Variants in PER1 observed in about 807,000 individuals in gnomAD.
The protein encoded by PER1 is period circadian regulator 1, also known as period circadian protein homolog 1.
PER1 carries 87 observed loss-of-function variants against 125.9 expected under a neutral mutation model. The observed-to-expected ratio is 0.69, with a 90% CI of 0.58 to 0.83. The LOEUF is 0.83. PER1 is among the 40% of genes least tolerant of loss of function. PER1 has a pLI of 0.00. For synonymous variants in PER1, 801 were observed against 714.7 expected (o/e 1.12, Z -1.93); for missense variants, 1,775 against 1,722.8 (o/e 1.03, Z -0.54).
rs1982589704 is a variant in PER1, at chr17:8,148,271, A to G, written c.1049-12T>C. On this transcript the variant is annotated splice_polypyrimidine_tract_variant and intron_variant, in intron 8 of 22. Coordinates refer to ENST00000317276, the MANE Select transcript of PER1 (RefSeq NM_002616.3). Reference sequence around the variant, plus strand: ...GGGTATCCGGGGAGCTGAGGCACAGAGAGTGTGGTCACTGGGTTTCGTCCA... The same window carrying G: ...GGGTATCCGGGGAGCTGAGGCACAGGGAGTGTGGTCACTGGGTTTCGTCCA... 3.1e-6 allele frequency: 5 copies of G among 1,610,724 alleles called. No homozygotes were observed. Among genetic ancestry groups the G allele is most frequent in the Non-Finnish European group, 4.2e-6 (5 of 1,177,222 alleles).
chr17:8,141,474 C>T, intron 22 of PER1, 134 bp from the exon 23 acceptor site: 1 of 1,068,478 alleles, frequency 9.4e-7, no homozygotes, highest in East Asian at 2.6e-5. Flanking sequence ...ACAGATGCAC[C>T]TGCGGTCCAA....
Position 8,146,896 on chromosome 17 carries a change from C to G in PER1, c.1735+1G>C. 6 of 1,613,532 alleles carry G rather than the reference C, an allele frequency of 3.7e-6. No homozygotes were observed. The highest frequency in any genetic ancestry group is 1.3e-5 in the African/African-American group (1 of 75,034). ...TCACCCACACATCATCATCAACTCA[C>G]CAGGGAGGCGGGGCCGGGACTGAGG... On this transcript the variant is annotated splice_donor_variant, in intron 14 of 22. Coordinates refer to ENST00000317276, the MANE Select transcript of PER1 (RefSeq NM_002616.3). LOFTEE classifies it high-confidence loss of function.
chr17:8,150,915 C>T, intron 1 of PER1, 70 bp from the exon 2 acceptor site: 1 of 527,708 alleles, frequency 1.9e-6, no homozygotes, highest in Admixed American at 3.5e-5. Flanking sequence ...GCTGGCTTCA[C>T]TCAGACCTTC....
chr17:8,142,334 A>G lies in PER1; in HGVS notation c.3384T>C (p.Asp1128=), dbSNP rs575410007. Residue 1128 remains aspartate (D), a synonymous_variant, in exon 21 of 23, where the codon GAT becomes GAC. Coordinates refer to ENST00000317276, the MANE Select transcript of PER1 (RefSeq NM_002616.3). ...CATTGGCCATGAGCAGCCAAATGGG[A>G]TCCTGGAGCACGTACTTAATCACCT... is the stretch of plus-strand genomic sequence containing the variant. The part of the protein sequence containing the change: ...GDQVIKYVLQ[D]PIWLLMANAD... The G allele has an allele frequency of 6.2e-7, 1 of 1,613,684 alleles. No homozygotes were observed. The highest frequency in any genetic ancestry group is 1.3e-5 in the African/African-American group (1 of 75,038).
At chr17:8,145,752 T>G (rs1982390035) in intron 17 of PER1, among the ~76,000 whole-genome samples, 1 of 152,086 alleles carries the variant, frequency 6.6e-6, no homozygotes, top group African/African-American at 2.4e-5. Context: ...CAACTGACAG[T>G]AACAATACGA....
chr17:8,142,352 A>C lies in PER1; in HGVS notation c.3366T>G (p.Ile1122Met). The stretch of plus-strand genomic sequence containing the variant: ...AAATGGGATCCTGGAGCACGTACTT[A>C]ATCACCTGGTCCCCAGGCTCAGCCC... The part of the protein sequence containing the change: ...RGGAEPGDQV[I>M]KYVLQDPIWL... The change falls in exon 21 of 23, where the codon ATT (isoleucine) becomes ATG (methionine). Residue 1122 changes from isoleucine to methionine, a missense_variant. Physicochemically the swap from Ile to Met is conservative, Grantham distance 10. Coordinates refer to ENST00000317276, the MANE Select transcript of PER1 (RefSeq NM_002616.3). The C allele has an allele frequency of 1.2e-6, 2 of 1,613,920 alleles. No individual in the cohort carries two copies. The highest frequency in any genetic ancestry group is 1.7e-6 in the Non-Finnish European group (2 of 1,179,950).
intron 7 of PER1, 160 bp downstream of exon 7, chr17:8,149,099 G>A: frequency 1.4e-6 from 1 of 697,150 alleles, no homozygotes; most frequent in South Asian, 1.7e-5. Flanking sequence ...TGAGGCAGGA[G>A]AATCGCTTGA....
intron 8 of PER1, 147 bp from the exon 9 acceptor site, chr17:8,148,406 C>T (rs1228960932): frequency 1.7e-5 from 14 of 810,064 alleles, no homozygotes; most frequent in African/African-American, 3.5e-5. Flanking sequence ...TGGGCCAATC[C>T]TATGCCCTGT....
In PER1 at chr17:8,149,544, G is replaced by C. The variant is rs757508025; in HGVS notation, c.771C>G (p.Leu257=). The C allele has an allele frequency of 4.3e-6, 7 of 1,613,950 alleles. No individual in the cohort carries two copies. The South Asian group carries it at 6.6e-5, about 15-fold the overall frequency. ...AGACTCCCACATCCTGGGGAGCCAGGAGCTCAGAGAAGCGGGTACCCCGGA... is the reference window on the plus strand; with the variant it reads ...AGACTCCCACATCCTGGGGAGCCAGCAGCTCAGAGAAGCGGGTACCCCGGA... ...DVFRGTRFSE[L]LAPQDVGVFY... The change falls in exon 6 of 23, where the codon CTC becomes CTG. Residue 257 remains leucine, a synonymous_variant. Coordinates refer to ENST00000317276, the MANE Select transcript of PER1 (RefSeq NM_002616.3).
chr17:8,144,565 T>C (rs1982299825), intron 18 of PER1, 186 bp downstream of exon 18: 1 of 717,568 alleles, frequency 1.4e-6, no homozygotes, highest in Non-Finnish European at 2.2e-6. Context: ...CTCCTCTGGC[T>C]GCAGCCCGGA....
Position 8,142,683 on chromosome 17 carries a change from G to A in PER1, c.3225C>T (p.Ser1075=), listed in dbSNP as rs749182156. ...SGLGSGSGSG[S]HEGGSTSASI... ...TGGCTGAGGTGCTGCCCCCTTCATG[G>A]GAGCCTGAACCAGACCCAGAGCCCA... Residue 1075 remains serine (S), a synonymous_variant, in exon 20 of 23, where the codon TCC becomes TCT. Coordinates refer to ENST00000317276, the MANE Select transcript of PER1 (RefSeq NM_002616.3). The A allele has an allele frequency of 6.2e-7, 1 of 1,613,990 alleles. No individual in the cohort carries two copies. The highest frequency in any genetic ancestry group is 1.1e-5 in the South Asian group (1 of 91,080).
At chr17:8,145,092 C>A (rs765598326) in intron 17 of PER1, 99 bp from the exon 18 acceptor site, 3 of 1,265,758 alleles carry the variant, frequency 2.4e-6, no homozygotes, top group Non-Finnish European at 3.1e-6. Flanking sequence ...CAACCCCTGG[C>A]AGCTCTGCCC....
Position 8,141,731 on chromosome 17 carries a change from TG to T in PER1, c.3600+73del, listed in dbSNP as rs1982089890. On this transcript the variant is annotated intron_variant, in intron 22 of 22. Transcript: ENST00000317276. ...AATTCTTTTTTCTCCCCCTTGAACT[TG>T]AGCTCAATTCTTTTTTCTCCCCCTT... 1.0e-5 allele frequency: 16 copies of T among 1,534,358 alleles called. No homozygotes were observed. The South Asian group carries it at 1.8e-4, about 17-fold the overall frequency.
chr17:8,146,810 A>G lies in PER1; in HGVS notation c.1736-45T>C, dbSNP rs374571694. 1.7e-4 allele frequency: 271 copies of G among 1,606,568 alleles called. 3 individuals carry two copies. In the Admixed American group the frequency reaches 4.4e-3, roughly 26 times the overall value. On this transcript the variant is annotated intron_variant, in intron 14 of 22. Coordinates refer to ENST00000317276, the MANE Select transcript of PER1 (RefSeq NM_002616.3). ...AGGAAAATAGCCTTCTCAAGCTCAC[A>G]TGGAAAAAAACAGCAAATGGGTTGG...
In PER1 at chr17:8,142,649, G is replaced by A. The variant is rs374896008; in HGVS notation, c.3259C>T (p.Arg1087Cys). 212 of 1,613,648 alleles carry A rather than the reference G, an allele frequency of 1.3e-4. No individual in the cohort carries two copies. The highest frequency in any genetic ancestry group is 1.7e-4 in the Non-Finnish European group (195 of 1,179,912). ...GAGATGCTGGAGGCGGGGTACTCAC[G>A]AGTGATGCTGGCTGAGGTGCTGCCC... ...EGGSTSASIT[R>C]SSQSSHTSKY... is the part of the protein sequence containing the mutation. Residue 1087 changes from arginine (R) to cysteine (C), a missense_variant and splice_region_variant, in exon 20 of 23, where the codon CGC becomes TGC. By Grantham distance (180) the Arg-to-Cys change is radical (BLOSUM62 -3). Coordinates refer to ENST00000317276, the MANE Select transcript of PER1 (RefSeq NM_002616.3).
chr17:8,144,176 C>A (rs1209256945), intron 18 of PER1: 2 of 439,680 alleles, frequency 4.5e-6, no homozygotes, highest in Non-Finnish European at 8.1e-6. Context: ...AGGGTGAGTC[C>A]ATGGACACAT....
rs1351710584 is a variant in PER1 at position 8,152,322 on chromosome 17, C to G, written c.-140+15G>C. On this transcript the variant is annotated intron_variant, in intron 1 of 22. Transcript: ENST00000317276. ...GGACGGAGATCGGCCCCAGGATGGC[C>G]GCAGAGATGCCTACCTGGTCGCAGG... 6.6e-6 allele frequency: 1 copy of G among 152,312 alleles called. No homozygotes were observed. Among genetic ancestry groups the G allele is most frequent in the Admixed American group, 6.5e-5 (1 of 15,286 alleles). 9.4% of individuals were successfully genotyped at this position (152,312 alleles called of 1,614,324 possible).
At chr17:8,142,115 C>G in intron 21 of PER1, 154 bp downstream of exon 21, 1 of 1,148,988 alleles carries the variant, frequency 8.7e-7, no homozygotes, top group Non-Finnish European at 1.3e-6. Flanking sequence ...GAAACCTGCT[C>G]TCCTCCTGGG....
chr17:8,141,331 C>G lies in PER1; in HGVS notation c.3610G>C (p.Asp1204His), dbSNP rs748792634. The G allele has an allele frequency of 6.2e-7, 1 of 1,605,894 alleles. No homozygotes were observed. Among genetic ancestry groups the G allele is most frequent in the Non-Finnish European group, 8.5e-7 (1 of 1,174,848 alleles). The change falls in exon 23 of 23, where the codon GAC becomes CAC. Residue 1204 changes from aspartate (D) to histidine (H), a missense_variant. Coordinates refer to ENST00000317276, the MANE Select transcript of PER1 (RefSeq NM_002616.3). ...GGATCTTGGGTGCTGCTCCCACAGTCCACACAGGCCTTGGTGAGAGAAATG... is the reference window on the plus strand; with the variant it reads ...GGATCTTGGGTGCTGCTCCCACAGTGCACACAGGCCTTGGTGAGAGAAATG... ...PRALDVMACV[D>H]CGSSTQDPGH... is the part of the protein sequence containing the mutation.
Sources: allele counts gnomAD v4.1 joint callset (sites outside exome capture counted in the v4.1 genomes callset), GRCh38; gene constraint gnomAD v4.1.1; transcripts MANE v1.5; gene names NCBI Gene and HGNC (gene_info 2026-07-23, HGNC 2026-07-21).